Variants in SELENOI observed in about 807,000 individuals in gnomAD.
SELENOI encodes the protein selenoprotein I, also known as ethanolaminephosphotransferase 1.
In SELENOI, 24 loss-of-function variants were observed where a neutral mutation model predicts 50.7. That is an observed-to-expected ratio of 0.47 (90% confidence interval 0.34 to 0.67). The LOEUF (loss-of-function observed/expected upper bound fraction) is 0.67. SELENOI is among the 30% of genes least tolerant of loss of function. The probability of loss-of-function intolerance (pLI) is 0.01; values close to 1 mark genes in which losing one functional copy is unlikely to be tolerated. For missense variants in SELENOI, 352 were observed against 461.4 expected, an observed-to-expected ratio of 0.76 and a Z score of 2.17; for synonymous variants, 155 against 170.2, an observed-to-expected ratio of 0.91 and a Z score of 0.70.
At chr2:26,366,095 C>A (rs531627265) in intron 3 of SELENOI, among the ~76,000 whole-genome samples, 1 of 152,138 alleles carries the variant, frequency 6.6e-6, no homozygotes, top group Non-Finnish European at 1.5e-5. Context: ...GCCACTGCAC[C>A]TGGCCAAGAC....
chr2:26,380,430 G>C (rs1380164507), intron 6 of SELENOI, among the ~76,000 whole-genome samples: 1 of 151,878 alleles, frequency 6.6e-6, no homozygotes, highest in Non-Finnish European at 1.5e-5. Flanking sequence ...ATATCCCAGC[G>C]ATCACTCCAC....
intron 1 of SELENOI, among the ~76,000 whole-genome samples, chr2:26,353,213 A>C (rs550300893): frequency 6.6e-6 from 1 of 152,108 alleles, no homozygotes; most frequent in African/African-American, 2.4e-5. Flanking sequence ...TATATATATA[A>C]TTTTTTAAAA....
In SELENOI at chr2:26,395,612, T is replaced by C. The variant is rs559861300; in HGVS notation, c.*6509T>C. 6.5e-6 allele frequency: 1 copy of C among 152,782 alleles called. No homozygotes were observed. The highest frequency in any genetic ancestry group is 1.5e-5 in the Non-Finnish European group (1 of 68,034). The allele number at this position is 152,782 out of a possible 1,614,324, so 9.5% of individuals were successfully genotyped here. ...AGCTGGAATATTTTAAAGTGTCAGATAATGTGATGTACAAAGAGAGTATGC... is the reference window on the plus strand; with the variant it reads ...AGCTGGAATATTTTAAAGTGTCAGACAATGTGATGTACAAAGAGAGTATGC... On this transcript the variant is annotated 3_prime_UTR_variant, in exon 10 of 10. Transcript: ENST00000260585.
At chr2:26,363,276 A>G (rs1038706431) in intron 1 of SELENOI, among the ~76,000 whole-genome samples, 1 of 152,210 alleles carries the variant, frequency 6.6e-6, no homozygotes, top group African/African-American at 2.4e-5. Context: ...AAGGACTATC[A>G]TCTTCATTTT....
Position 26,391,068 on chromosome 2 carries a change from T to C in SELENOI, c.*1965T>C, listed in dbSNP as rs1677955453. On this transcript the variant is annotated 3_prime_UTR_variant, in exon 10 of 10. Coordinates refer to ENST00000260585, the MANE Select transcript of SELENOI (RefSeq NM_033505.4). ...ACAGTATAGTAAAAATACCCTTTAC[T>C]TCTGACATTTTAAGGTCACGTCCTA... The C allele has an allele frequency of 2.0e-4, 1 of 5,014 alleles. No individual in the cohort carries two copies. The highest frequency in any genetic ancestry group is 2.1e-4 in the African/African-American group (1 of 4,660). The allele number at this position is 5,014 out of a possible 1,614,324, so 0.3% of individuals were successfully genotyped here.
intron 1 of SELENOI, among the ~76,000 whole-genome samples, chr2:26,347,406 A>C (rs1183575674): frequency 1.3e-5 from 2 of 152,036 alleles, no homozygotes; most frequent in Non-Finnish European, 2.9e-5. Context: ...TAACTGAAAA[A>C]GTCATAATGG....
chr2:26,354,473 G>A (rs1259966421), intron 1 of SELENOI, among the ~76,000 whole-genome samples: 2 of 151,954 alleles, frequency 1.3e-5, no homozygotes, highest in East Asian at 1.9e-4. Context: ...TGCAAGCTCC[G>A]CCTCCTGGGT....
intron 1 of SELENOI, among the ~76,000 whole-genome samples, chr2:26,363,869 T>C (rs764748939): frequency 3.3e-5 from 5 of 152,072 alleles, no homozygotes; most frequent in Non-Finnish European, 7.4e-5. Context: ...GCCTCCCAAG[T>C]AGCTGGGATT....
Position 26,390,182 on chromosome 2 carries a change from T to C in SELENOI, c.*1079T>C, listed in dbSNP as rs1184970684. 6.6e-6 allele frequency: 1 copy of C among 151,238 alleles called. No individual in the cohort carries two copies. The highest frequency in any genetic ancestry group is 1.5e-5 in the Non-Finnish European group (1 of 67,842). The allele number at this position is 151,238 out of a possible 1,614,324, so 9.4% of individuals were successfully genotyped here. On this transcript the variant is annotated 3_prime_UTR_variant, in exon 10 of 10. Coordinates refer to ENST00000260585, the MANE Select transcript of SELENOI (RefSeq NM_033505.4). The stretch of plus-strand genomic sequence containing the variant: ...CTTACTGAGTACATGCCCCCTTTAA[T>C]GTTAACATGACTTGGAGTAATTTCT...
chr2:26,385,699 GGTCTGT>G (rs1311531781), intron 8 of SELENOI, among the ~76,000 whole-genome samples: 6 of 152,196 alleles, frequency 3.9e-5, no homozygotes, highest in Non-Finnish European at 7.3e-5. Flanking sequence ...AAAGCCAGAA[GGTCTGT>G]GTTCTAGCTC....
At chr2:26,367,311 A>G in intron 4 of SELENOI, 91 bp downstream of exon 4, 1 of 977,462 alleles carries the variant, frequency 1.0e-6, no homozygotes, top group Non-Finnish European at 1.5e-6. Flanking sequence ...CCTGTGCTTA[A>G]TTCATTTTAA....
At chr2:26,362,212 G>C (rs1677193309) in intron 1 of SELENOI, among the ~76,000 whole-genome samples, 1 of 151,940 alleles carries the variant, frequency 6.6e-6, no homozygotes, top group Non-Finnish European at 1.5e-5. Flanking sequence ...TAGGAGTACA[G>C]GCACCTGCCA....
At chr2:26,353,704 A>C (rs961313402) in intron 1 of SELENOI, among the ~76,000 whole-genome samples, 2 of 152,208 alleles carry the variant, frequency 1.3e-5, no homozygotes, top group African/African-American at 4.8e-5. Flanking sequence ...GATGGGTGGA[A>C]AACTGCAGAA....
chr2:26,371,634 G>C (rs1389321815), intron 4 of SELENOI, among the ~76,000 whole-genome samples: 1 of 152,212 alleles, frequency 6.6e-6, no homozygotes, highest in African/African-American at 2.4e-5. Context: ...CGAGGCTGGC[G>C]GATCACTCGC....
At chr2:26,388,808 A>G (rs374519079) in intron 9 of SELENOI, among the ~76,000 whole-genome samples, 197 bp from the exon 10 acceptor site, 144 of 152,234 alleles carry the variant, frequency 9.5e-4, no homozygotes, top group African/African-American at 3.2e-3. Context: ...CTAAGTCCTA[A>G]CTTTCCCATG....
intron 1 of SELENOI, among the ~76,000 whole-genome samples, chr2:26,358,980 G>A (rs749407448): frequency 9.9e-5 from 15 of 152,172 alleles, no homozygotes; most frequent in Non-Finnish European, 1.8e-4. Context: ...CCACATGTTT[G>A]TGTTGATTTA....
At chr2:26,371,908 A>AGGGAGC (rs1183578541) in intron 4 of SELENOI, among the ~76,000 whole-genome samples, 59 of 151,742 alleles carry the variant, frequency 3.9e-4, no homozygotes, top group African/African-American at 1.2e-3. Context: ...GGAGAGGGAG[A>AGGGAGC]GGGAGCGCAT....
intron 1 of SELENOI, among the ~76,000 whole-genome samples, chr2:26,357,794 T>C (rs1677094357): frequency 2.0e-5 from 3 of 152,184 alleles, no homozygotes; most frequent in Non-Finnish European, 2.9e-5. Flanking sequence ...GTGTCTTGCT[T>C]TGTTGCTGAT....
intron 6 of SELENOI, among the ~76,000 whole-genome samples, chr2:26,375,353 A>G (rs1677545286): frequency 6.6e-6 from 1 of 152,168 alleles, no homozygotes; most frequent in East Asian, 1.9e-4. Context: ...AGCATCAGCT[A>G]TTTCTAATCA....
Sources: allele counts gnomAD v4.1 joint callset (sites outside exome capture counted in the v4.1 genomes callset), GRCh38; gene constraint gnomAD v4.1.1; transcripts MANE v1.5; gene names NCBI Gene and HGNC (gene_info 2026-07-23, HGNC 2026-07-21).